The following CNTNAP2 variants were observed in gnomAD, a reference collection of about 807,000 sequenced individuals.
The protein encoded by CNTNAP2 is contactin associated protein 2, also known as contactin-associated protein-like 2.
Under a neutral mutation model 155.2 loss-of-function variants are expected in CNTNAP2, and 98 were observed. That is an observed-to-expected ratio of 0.63 (90% CI 0.54 to 0.75). CNTNAP2 has a LOEUF of 0.75. Ranked by LOEUF, CNTNAP2 falls within the 30% of genes least tolerant of loss-of-function variation. The probability of loss-of-function intolerance (pLI) is 0.00; values close to 1 mark genes in which losing one functional copy is unlikely to be tolerated. For missense variants in CNTNAP2, 1,727 were observed against 1,688.1 expected (o/e 1.02, Z -0.40); for synonymous variants, 651 against 631.2 (o/e 1.03, Z -0.47).
chr7:146,606,260 A>G (rs2129152997), intron 1 of CNTNAP2, among the ~76,000 whole-genome samples: 1 of 152,266 alleles, frequency 6.6e-6, no homozygotes, highest in East Asian at 1.9e-4. Context: ...ATTATATTGT[A>G]TGTATGCTTG....
intron 21 of CNTNAP2, among the ~76,000 whole-genome samples, chr7:148,308,064 G>T (rs1330046480): frequency 1.3e-5 from 2 of 152,116 alleles, no homozygotes; most frequent in African/African-American, 4.8e-5. Context: ...CTTTTCAAAA[G>T]AATTAATTGA....
At chr7:147,481,849 T>G (rs1798428182) in intron 10 of CNTNAP2, among the ~76,000 whole-genome samples, 1 of 152,174 alleles carries the variant, frequency 6.6e-6, no homozygotes, top group Admixed American at 6.5e-5. Context: ...GAACCAAACT[T>G]TCAAGCTAGG....
intron 21 of CNTNAP2, among the ~76,000 whole-genome samples, chr7:148,370,218 A>G (rs187220631): frequency 1.1e-4 from 17 of 152,306 alleles, no homozygotes; most frequent in Non-Finnish European, 1.9e-4. Context: ...CTGAGGCAGA[A>G]GGACATAAAG....
intron 3 of CNTNAP2, among the ~76,000 whole-genome samples, chr7:146,960,453 C>T (rs1276673918): frequency 6.6e-6 from 1 of 152,062 alleles, no homozygotes; most frequent in Admixed American, 6.5e-5. Context: ...GCTGATTAAA[C>T]TATGACCTGC....
Position 147,132,361 on chromosome 7 carries a change from G to A in CNTNAP2, c.1200G>A (p.Gln400=), listed in dbSNP as rs760012888. 1 of 1,613,574 alleles carries A rather than the reference G, an allele frequency of 6.2e-7. No homozygotes were observed. The highest frequency in any genetic ancestry group is 1.3e-5 in the African/African-American group (1 of 74,854). Residue 400 remains glutamine (Q), a synonymous_variant, in exon 8 of 24, where the codon CAG becomes CAA. Transcript: ENST00000361727. Reference sequence around the variant, plus strand: ...AGGACCTGTTCTCAGTCAGTTTCCAGTTTAGGACATGGAACCCCAATGGTC... The same window carrying A: ...AGGACCTGTTCTCAGTCAGTTTCCAATTTAGGACATGGAACCCCAATGGTC... ...LNQDLFSVSF[Q]FRTWNPNGLL... is the part of the protein sequence containing the mutation.
chr7:147,530,185 A>C (rs921536914), intron 11 of CNTNAP2, among the ~76,000 whole-genome samples: 5 of 87,372 alleles, frequency 5.7e-5, no homozygotes, highest in South Asian at 3.7e-4. Flanking sequence ...GGCAAAAGGC[A>C]CTTTTTTTTT....
intron 8 of CNTNAP2, among the ~76,000 whole-genome samples, chr7:147,221,748 T>C (rs978961068): frequency 2.0e-5 from 3 of 152,238 alleles, no homozygotes; most frequent in African/African-American, 7.2e-5. Flanking sequence ...CCAAATGACT[T>C]AGGATGTTTT....
chr7:147,697,923 G>C (rs1250055076), intron 13 of CNTNAP2, among the ~76,000 whole-genome samples: 1 of 152,160 alleles, frequency 6.6e-6, no homozygotes. Flanking sequence ...GAAACTTGTA[G>C]AAGTGTGAGG....
In CNTNAP2 at chr7:147,544,568, G is replaced by A. The variant is rs114854937; in HGVS notation, c.1778-17570G>A. Among the ~76,000 whole-genome samples, 1,486 of 151,942 alleles carry A rather than the reference G, an allele frequency of 9.8e-3. 29 individuals are homozygous for A. Among genetic ancestry groups the A allele is most frequent in the African/African-American group, 0.034 (1,400 of 41,432 alleles). On this transcript the variant is annotated intron_variant, in intron 11 of 23. Transcript: ENST00000361727. Reference sequence around the variant, plus strand: ...AAAAAATGCAAGTCCTCTTTCCAGGGCCACAGCATGACTTTCATGGGCCCT... The same window carrying A: ...AAAAAATGCAAGTCCTCTTTCCAGGACCACAGCATGACTTTCATGGGCCCT...
intron 2 of CNTNAP2, among the ~76,000 whole-genome samples, chr7:146,781,838 AC>A (rs1328081729): frequency 2.6e-5 from 4 of 152,006 alleles, no homozygotes; most frequent in African/African-American, 9.7e-5. Flanking sequence ...TAAATCTAGA[AC>A]TGCAGCTGAT....
chr7:147,236,279 C>T (rs1803801423), intron 8 of CNTNAP2, among the ~76,000 whole-genome samples: 1 of 152,242 alleles, frequency 6.6e-6, no homozygotes, highest in Non-Finnish European at 1.5e-5. Context: ...GCTGTGTGGG[C>T]TGCCCCCATT....
intron 3 of CNTNAP2, among the ~76,000 whole-genome samples, chr7:146,960,915 G>T (rs1699005883): frequency 6.6e-6 from 1 of 152,068 alleles, no homozygotes. Context: ...AGTTCACTGT[G>T]TGCTAAAGGA....
At chr7:148,206,663 A>T in intron 18 of CNTNAP2, among the ~76,000 whole-genome samples, 1 of 152,194 alleles carries the variant, frequency 6.6e-6, no homozygotes, top group East Asian at 1.9e-4. Context: ...GAAATATGCC[A>T]ATAGGCAGGC....
In CNTNAP2 at chr7:147,616,088, C is replaced by T. The variant is rs542614552; in HGVS notation, c.1898-23018C>T. On this transcript the variant is annotated intron_variant, in intron 12 of 23. Coordinates refer to ENST00000361727, the MANE Select transcript of CNTNAP2 (RefSeq NM_014141.6). Reference sequence around the variant, plus strand: ...TTTTTTTCCCCCTGATAGGTCTCATCCAAAACATGACCAGATCTTTCTGGC... The same window carrying T: ...TTTTTTTCCCCCTGATAGGTCTCATTCAAAACATGACCAGATCTTTCTGGC... Among the ~76,000 whole-genome samples, 201 of 152,200 alleles carry T rather than the reference C, an allele frequency of 1.3e-3. 1 individual carries two copies. Among genetic ancestry groups the T allele is most frequent in the African/African-American group, 4.6e-3 (192 of 41,528 alleles).
At chr7:147,527,460 T>C (rs2116718562) in intron 11 of CNTNAP2, among the ~76,000 whole-genome samples, 1 of 152,310 alleles carries the variant, frequency 6.6e-6, no homozygotes, top group East Asian at 1.9e-4. Context: ...ATGCGCAGCG[T>C]TATACCTCAT....
intron 1 of CNTNAP2, among the ~76,000 whole-genome samples, chr7:146,132,535 A>C (rs1185688720): frequency 1.3e-5 from 2 of 150,622 alleles, no homozygotes; most frequent in Non-Finnish European, 1.5e-5. Context: ...ATCTAGCATT[A>C]GGTATATCTC....
At chr7:147,464,781 T>G (rs1270340186) in intron 10 of CNTNAP2, among the ~76,000 whole-genome samples, 1 of 152,180 alleles carries the variant, frequency 6.6e-6, no homozygotes, top group Non-Finnish European at 1.5e-5. Flanking sequence ...GCAGTGTGAT[T>G]TTAACAGGCT....
At chr7:147,732,613 C>T (rs1347429964) in intron 13 of CNTNAP2, among the ~76,000 whole-genome samples, 1 of 152,232 alleles carries the variant, frequency 6.6e-6, no homozygotes, top group Non-Finnish European at 1.5e-5. Context: ...AATCGCCACA[C>T]TGACTTCCAC....
intron 1 of CNTNAP2, among the ~76,000 whole-genome samples, chr7:146,214,780 A>G (rs1189271276): frequency 1.3e-5 from 2 of 152,180 alleles, no homozygotes; most frequent in Non-Finnish European, 2.9e-5. Context: ...TGCAACAATA[A>G]CCCCAGAAAA....
Sources: gnomAD v4.1 joint callset for allele counts (sites outside exome capture counted in the v4.1 genomes callset) on GRCh38, gnomAD v4.1.1 for gene constraint, MANE v1.5 for transcripts, NCBI Gene and HGNC (gene_info 2026-07-23, HGNC 2026-07-21) for gene names.